CDKAL1: variants seen among roughly 807,000 people sequenced by gnomAD.
CDKAL1 encodes threonylcarbamoyladenosine tRNA methylthiotransferase.
A neutral mutation model predicts 68.2 loss-of-function variants in CDKAL1; 32 were observed. That is an observed-to-expected ratio of 0.47 (90% CI 0.35 to 0.63). The LOEUF (loss-of-function observed/expected upper bound fraction) is 0.63, where lower values mean the gene tolerates loss of function less well. CDKAL1 is among the 30% of genes least tolerant of loss of function. The probability of loss-of-function intolerance (pLI) is 0.00; values close to 1 mark genes in which losing one functional copy is unlikely to be tolerated. For synonymous variants in CDKAL1, 234 were observed against 244.3 expected (o/e 0.96, Z 0.39); for missense variants, 606 against 696.7 (o/e 0.87, Z 1.47).
intron 13 of CDKAL1, among the ~76,000 whole-genome samples, chr6:21,118,442 T>A (rs967883139): frequency 1.3e-5 from 2 of 152,204 alleles, no homozygotes; most frequent in Non-Finnish European, 1.5e-5. Flanking sequence ...CACTCTCAGA[T>A]GATTACCAAC....
chr6:20,871,858 G>C (rs1225881850), intron 9 of CDKAL1, among the ~76,000 whole-genome samples: 7 of 152,032 alleles, frequency 4.6e-5, no homozygotes, highest in Non-Finnish European at 1.0e-4. Flanking sequence ...TTGAATCTAG[G>C]TGTCATAGCT....
At chr6:20,577,091 C>T (rs112922182) in intron 4 of CDKAL1, among the ~76,000 whole-genome samples, 259 of 152,274 alleles carry the variant, frequency 1.7e-3, no homozygotes, top group Non-Finnish European at 2.8e-3. Context: ...CTCTGTTCCA[C>T]ATTTCCCTTC....
At chr6:20,668,286 A>C (rs1251753072) in intron 5 of CDKAL1, among the ~76,000 whole-genome samples, 2 of 152,184 alleles carry the variant, frequency 1.3e-5, no homozygotes, top group African/African-American at 2.4e-5. Flanking sequence ...AATAATTGGC[A>C]TTATAAATAC....
intron 5 of CDKAL1, among the ~76,000 whole-genome samples, chr6:20,725,783 TAA>T (rs67587689): frequency 1.5e-4 from 15 of 99,064 alleles, no homozygotes; most frequent in Admixed American, 2.2e-4. Context: ...AAACTCCGTC[TAA>T]AAAAAAAAAA....
chr6:20,905,681 C>T (rs974257001), intron 9 of CDKAL1, among the ~76,000 whole-genome samples: 2 of 152,060 alleles, frequency 1.3e-5, no homozygotes, highest in East Asian at 1.9e-4. Context: ...ATCTTGAAAA[C>T]GGCAAGAGAG....
At chr6:21,081,091 TA>T (rs1562014767) in intron 12 of CDKAL1, among the ~76,000 whole-genome samples, 1 of 152,206 alleles carries the variant, frequency 6.6e-6, no homozygotes, top group Non-Finnish European at 1.5e-5. Flanking sequence ...AAAATCATTT[TA>T]AAAAAATGCC....
intron 9 of CDKAL1, among the ~76,000 whole-genome samples, chr6:20,924,944 T>A (rs930783738): frequency 5.3e-5 from 8 of 152,248 alleles, no homozygotes; most frequent in Non-Finnish European, 1.0e-4. Flanking sequence ...ACTTAGTTGC[T>A]AAGGCAGCCA....
chr6:20,645,774 ATT>A (rs1451013957), intron 4 of CDKAL1, among the ~76,000 whole-genome samples: 2 of 58,252 alleles, frequency 3.4e-5, no homozygotes, highest in Non-Finnish European at 9.3e-5. Flanking sequence ...AAATAATTTT[ATT>A]TTATTTATTT....
chr6:20,594,646 G>T (rs531756549), intron 4 of CDKAL1, among the ~76,000 whole-genome samples: 1 of 152,120 alleles, frequency 6.6e-6, no homozygotes, highest in African/African-American at 2.4e-5. Flanking sequence ...TTGCCAGTCC[G>T]TGTCTTTTAG....
At chr6:20,990,927 A>G (rs914109904) in intron 10 of CDKAL1, among the ~76,000 whole-genome samples, 7 of 152,230 alleles carry the variant, frequency 4.6e-5, no homozygotes, top group African/African-American at 1.7e-4. Context: ...TCAGTCATTT[A>G]TACATTCAAC....
intron 13 of CDKAL1, among the ~76,000 whole-genome samples, chr6:21,124,150 A>G (rs888830119): frequency 1.3e-5 from 2 of 152,240 alleles, no homozygotes; most frequent in South Asian, 4.1e-4. Flanking sequence ...TGTAATAGAT[A>G]TGTACTTAAA....
At chr6:21,205,554 A>G (rs1456217652) in intron 15 of CDKAL1, among the ~76,000 whole-genome samples, 6 of 151,828 alleles carry the variant, frequency 4.0e-5, no homozygotes, top group Admixed American at 6.6e-5. Flanking sequence ...TTTTTGAGAC[A>G]GAGTCTCGCC....
intron 11 of CDKAL1, among the ~76,000 whole-genome samples, chr6:21,059,904 C>T (rs74833845): frequency 0.016 from 2,395 of 152,152 alleles, 65 homozygotes; most frequent in African/African-American, 0.055. Context: ...TTTTATCCCT[C>T]GCTCCTGTCC....
At chr6:20,813,836 G>A (rs78473096) in intron 8 of CDKAL1, among the ~76,000 whole-genome samples, 1,700 of 152,230 alleles carry the variant, frequency 0.011, 26 homozygotes, top group African/African-American at 0.039. Context: ...GAGTTGATAA[G>A]TGTTGCTTGA....
intron 4 of CDKAL1, among the ~76,000 whole-genome samples, chr6:20,642,489 A>AAAC (rs1554167888): frequency 1.3e-5 from 2 of 151,036 alleles, no homozygotes; most frequent in East Asian, 1.9e-4. Context: ...AAAAAAAAAA[A>AAAC]AAAACACTGC....
intron 10 of CDKAL1, among the ~76,000 whole-genome samples, chr6:20,987,686 T>C (rs1365218628): frequency 2.6e-5 from 4 of 152,236 alleles, no homozygotes; most frequent in Admixed American, 2.0e-4. Flanking sequence ...CTAATATTTA[T>C]TGAAAAATAG....
chr6:20,552,775 C>T (rs1329878079), intron 4 of CDKAL1, among the ~76,000 whole-genome samples: 3 of 152,042 alleles, frequency 2.0e-5, no homozygotes, highest in Admixed American at 2.0e-4. Flanking sequence ...GGAATACTTT[C>T]TTCACTAGTC....
intron 9 of CDKAL1, among the ~76,000 whole-genome samples, chr6:20,907,871 G>C (rs563834250): frequency 6.6e-6 from 1 of 152,314 alleles, no homozygotes; most frequent in African/African-American, 2.4e-5. Flanking sequence ...CTTCTTGTGG[G>C]CACCATGCCA....
At chr6:20,673,610 C>T (rs996752852) in intron 5 of CDKAL1, among the ~76,000 whole-genome samples, 1 of 152,132 alleles carries the variant, frequency 6.6e-6, no homozygotes, top group African/African-American at 2.4e-5. Flanking sequence ...CCCATAATTC[C>T]CATGTGTTGT....
Sources: allele counts gnomAD v4.1 joint callset (sites outside exome capture counted in the v4.1 genomes callset), GRCh38; gene constraint gnomAD v4.1.1; transcripts MANE v1.5; gene names NCBI Gene and HGNC (gene_info 2026-07-23, HGNC 2026-07-21).